The following TNFSF11 variants were observed in gnomAD, a reference collection of about 807,000 sequenced individuals.
TNFSF11 encodes the protein TNF superfamily member 11.
In TNFSF11, 12 loss-of-function variants were observed where a neutral mutation model predicts 32.2. That is an observed-to-expected ratio of 0.37 (90% CI 0.24 to 0.60). The LOEUF (loss-of-function observed/expected upper bound fraction) is 0.60, where lower values mean the gene tolerates loss of function less well. TNFSF11 is among the 20% of genes least tolerant of loss of function. The pLI is 0.66. For synonymous variants in TNFSF11, 172 were observed against 152.1 expected (o/e 1.13, Z -0.96); for missense variants, 345 against 398.0 (o/e 0.87, Z 1.13).
chr13:42,572,252 A>C (rs574228773), upstream of TNFSF11, among the ~76,000 whole-genome samples: 8 of 152,322 alleles, frequency 5.3e-5, no homozygotes, highest in South Asian at 1.0e-3. Context: ...AACATAATTC[A>C]GGGATTTGAG....
chr13:42,570,463 A>G (rs1340489349), upstream of TNFSF11, among the ~76,000 whole-genome samples: 1 of 152,224 alleles, frequency 6.6e-6, no homozygotes, highest in Non-Finnish European at 1.5e-5. Context: ...AGAAATGTTG[A>G]TCCAAACATT....
rs1403112655 is a variant in TNFSF11 at position 42,592,961 on chromosome 13, G to A, written c.388-7791G>A. Among the ~76,000 whole-genome samples the A allele has an allele frequency of 2.6e-5, 4 of 152,056 alleles. No homozygotes were observed. In the South Asian group the frequency reaches 6.2e-4, roughly 24 times the overall value. Reference sequence around the variant, plus strand: ...GAGGCTTCCCCAGCCATGCGGAACCGTAAGCCAATTAAACCTCTTTCATTT... The same window carrying A: ...GAGGCTTCCCCAGCCATGCGGAACCATAAGCCAATTAAACCTCTTTCATTT... On this transcript the variant is annotated intron_variant, in intron 2 of 4. Transcript: ENST00000398795.
At chr13:42,565,844 T>A (rs1275322138) in intron 1 of TNFSF11, among the ~76,000 whole-genome samples, 1 of 152,050 alleles carries the variant, frequency 6.6e-6, no homozygotes, top group Non-Finnish European at 1.5e-5. Context: ...GGAAGGAGGA[T>A]GAAAGGGAAG....
chr13:42,575,881 A>G (rs545516512), intron 1 of TNFSF11, among the ~76,000 whole-genome samples: 4 of 152,310 alleles, frequency 2.6e-5, no homozygotes, highest in African/African-American at 9.6e-5. Context: ...TTGCAATAAG[A>G]ATGGCTTACC....
At chr13:42,576,317 C>A (rs995583344) in intron 1 of TNFSF11, among the ~76,000 whole-genome samples, 1 of 151,720 alleles carries the variant, frequency 6.6e-6, no homozygotes, top group South Asian at 2.1e-4. Context: ...CTGCTGGGCT[C>A]TTGTTAGAGT....
At chr13:42,564,721 T>C (rs1005551241) in intron 1 of TNFSF11, among the ~76,000 whole-genome samples, 1 of 152,228 alleles carries the variant, frequency 6.6e-6, no homozygotes, top group Non-Finnish European at 1.5e-5. Flanking sequence ...CCAAGCATTG[T>C]ATATAAAAGA....
intron 1 of TNFSF11, among the ~76,000 whole-genome samples, chr13:42,579,840 C>T (rs1186989430): frequency 1.4e-5 from 2 of 147,944 alleles, no homozygotes; most frequent in African/African-American, 2.5e-5. Context: ...TTTTGCTTCA[C>T]GGTGGTATCT....
At chr13:42,574,727 C>G (rs2137853456) in intron 1 of TNFSF11, among the ~76,000 whole-genome samples, 1 of 152,242 alleles carries the variant, frequency 6.6e-6, no homozygotes, top group East Asian at 1.9e-4. Flanking sequence ...TCTCTCTCCG[C>G]CCACGCACCC....
At chr13:42,599,322 TATCTATCTATCTATCTATCTATCTATC>T (rs1413819537) in intron 2 of TNFSF11, among the ~76,000 whole-genome samples, 6 of 141,162 alleles carry the variant, frequency 4.3e-5, no homozygotes, top group Admixed American at 1.4e-4. Flanking sequence ...TCTATCTATC[TATCTATCTATCTATCTATCTATCTATC>T]ATCTATCTAT....
Position 42,574,419 on chromosome 13 carries a change from ACCAGCC to A in TNFSF11, c.119_124del (p.Gln40_Pro41del). 1.3e-6 allele frequency: 2 copies of A among 1,587,388 alleles called. No individual in the cohort carries two copies. The highest frequency in any genetic ancestry group is 1.7e-6 in the Non-Finnish European group (2 of 1,169,660). ...CACGCCCCGCCGCCGCCTGCGCCGC[ACCAGCC>A]CCCTGCCGCCTCCCGCTCCATGTTC... On this transcript the variant is annotated inframe_deletion, in exon 1 of 5. Coordinates refer to ENST00000398795, the MANE Select transcript of TNFSF11 (RefSeq NM_003701.4).
At chr13:42,605,742 G>T (rs1421198687) in intron 4 of TNFSF11, among the ~76,000 whole-genome samples, 1 of 152,210 alleles carries the variant, frequency 6.6e-6, no homozygotes, top group Non-Finnish European at 1.5e-5. Context: ...GCTAGGGAGT[G>T]CAATGCTAAG....
At chr13:42,580,876 C>T (rs1443073335) in intron 1 of TNFSF11, among the ~76,000 whole-genome samples, 1 of 152,212 alleles carries the variant, frequency 6.6e-6, no homozygotes, top group Non-Finnish European at 1.5e-5. Context: ...CGCACATACA[C>T]TTCTGTCATT....
chr13:42,585,165 C>A (rs1440703900), intron 2 of TNFSF11, among the ~76,000 whole-genome samples: 1 of 152,182 alleles, frequency 6.6e-6, no homozygotes, highest in Non-Finnish European at 1.5e-5. Context: ...ACACATCTTG[C>A]CAAAATAATC....
intron 2 of TNFSF11, among the ~76,000 whole-genome samples, chr13:42,584,758 G>A (rs1873800972): frequency 6.6e-6 from 1 of 152,138 alleles, no homozygotes; most frequent in African/African-American, 2.4e-5. Context: ...TATACTGATA[G>A]GTTATTATGA....
rs144503010 is a variant in TNFSF11 at position 42,600,883 on chromosome 13, C to T, written c.434C>T (p.Ala145Val). ...ATAATATGGTTTCTCTCATCTCCAGCGATGGTGGATGGCTCATGGTTAGAT... is the reference window on the plus strand; with the variant it reads ...ATAATATGGTTTCTCTCATCTCCAGTGATGGTGGATGGCTCATGGTTAGAT... Reference protein sequence around the residue: ...VGSQHIRAEKAMVDGSWLDLA... With the variant: ...VGSQHIRAEKVMVDGSWLDLA... The change falls in exon 4 of 5, where the codon GCG (alanine) becomes GTG (valine). Residue 145 changes from alanine (A) to valine (V), a missense_variant and splice_region_variant. Ala to Val is a moderately conservative substitution (Grantham distance 64). Coordinates refer to ENST00000398795, the MANE Select transcript of TNFSF11 (RefSeq NM_003701.4). 1.3e-4 allele frequency: 216 copies of T among 1,614,086 alleles called. No individual in the cohort carries two copies. Among genetic ancestry groups the T allele is most frequent in the African/African-American group, 1.2e-3 (93 of 75,018 alleles).
chr13:42,589,047 G>A (rs980532221), intron 2 of TNFSF11, among the ~76,000 whole-genome samples: 5 of 152,170 alleles, frequency 3.3e-5, no homozygotes, highest in African/African-American at 7.2e-5. Flanking sequence ...GGCGGCGGTG[G>A]TGGTGGTGGT....
chr13:42,596,280 C>T (rs1868805169), intron 2 of TNFSF11, among the ~76,000 whole-genome samples: 1 of 152,170 alleles, frequency 6.6e-6, no homozygotes, highest in South Asian at 2.1e-4. Context: ...GGCCAGTTCT[C>T]AGCCAGTTGT....
intron 4 of TNFSF11, among the ~76,000 whole-genome samples, chr13:42,602,990 A>T (rs1427312707): frequency 6.6e-6 from 1 of 152,226 alleles, no homozygotes; most frequent in African/African-American, 2.4e-5. Context: ...TTTGTGACTG[A>T]GTGAGATGAG....
chr13:42,573,859 C>A (rs1246552773), upstream of TNFSF11, among the ~76,000 whole-genome samples: 1 of 152,162 alleles, frequency 6.6e-6, no homozygotes, highest in Non-Finnish European at 1.5e-5. Flanking sequence ...CAATCCTTAT[C>A]CTTTAGCAAA....
Sources: gnomAD v4.1 joint callset for allele counts (sites outside exome capture counted in the v4.1 genomes callset) on GRCh38, gnomAD v4.1.1 for gene constraint, MANE v1.5 for transcripts, NCBI Gene and HGNC (gene_info 2026-07-23, HGNC 2026-07-21) for gene names.